The following TRPC7 variants were observed in gnomAD, a reference collection of about 807,000 sequenced individuals.
TRPC7 encodes the protein transient receptor potential cation channel subfamily C member 7.
TRPC7 carries 42 observed loss-of-function variants against 90.1 expected under a neutral mutation model. That is an observed-to-expected ratio of 0.47 (90% CI 0.36 to 0.60). The LOEUF (loss-of-function observed/expected upper bound fraction) is 0.60, where lower values mean the gene tolerates loss of function less well. Among genes scored for constraint, TRPC7 ranks in the 20% least tolerant of loss-of-function variants. TRPC7 has a pLI of 0.00. For missense variants in TRPC7, 955 were observed against 1,112.3 expected (o/e 0.86, Z 2.01); for synonymous variants, 451 against 436.3 (o/e 1.03, Z -0.42).
In TRPC7 at chr5:136,274,763, CT is replaced by C; in HGVS notation, c.1037del (p.Gln346ArgfsTer5). ...CAGCCAGGAATTTCACAGCGATAGA[CT>C]GTTGACGTAAGCCTGAGAGATTTTC... ...WYENLSGLRQ[Q>X]SIAVKFLAVF... On this transcript the variant is annotated frameshift_variant, in exon 4 of 12. Transcript: ENST00000513104. LOFTEE classifies it high-confidence loss of function. The C allele has an allele frequency of 6.2e-7, 1 of 1,609,024 alleles. No individual in the cohort carries two copies. Among genetic ancestry groups the C allele is most frequent in the Non-Finnish European group, 8.5e-7 (1 of 1,177,774 alleles).
chr5:136,291,625 C>T (rs1305413866), intron 3 of TRPC7, among the ~76,000 whole-genome samples: 1 of 152,158 alleles, frequency 6.6e-6, no homozygotes, highest in Admixed American at 6.5e-5. Context: ...AATACAGGAG[C>T]ACCCAGGTTC....
chr5:136,213,371 G>T lies in TRPC7; in HGVS notation c.*64C>A. ...TGGGGACCCCTCCCCACCAAGGATG[G>T]GGGCGAGGGCATCCAACCTGGCCTT... On this transcript the variant is annotated 3_prime_UTR_variant, in exon 12 of 12. Coordinates refer to ENST00000513104, the MANE Select transcript of TRPC7 (RefSeq NM_020389.3). The T allele has an allele frequency of 6.4e-7, 1 of 1,563,436 alleles. No homozygotes were observed. Among genetic ancestry groups the T allele is most frequent in the Non-Finnish European group, 8.7e-7 (1 of 1,148,798 alleles).
At chr5:136,282,098 A>G (rs1284733290) in intron 3 of TRPC7, among the ~76,000 whole-genome samples, 3 of 152,228 alleles carry the variant, frequency 2.0e-5, no homozygotes, top group Non-Finnish European at 4.4e-5. Flanking sequence ...AGAAATCTGC[A>G]TGGGATTCTG....
intron 6 of TRPC7, among the ~76,000 whole-genome samples, chr5:136,250,674 G>C (rs1314603190): frequency 6.6e-6 from 1 of 152,142 alleles, no homozygotes; most frequent in Non-Finnish European, 1.5e-5. Flanking sequence ...AGAGTGCAAA[G>C]CGCTTCACAT....
At chr5:136,347,359 T>G (rs779015097) in intron 2 of TRPC7, among the ~76,000 whole-genome samples, 1 of 152,198 alleles carries the variant, frequency 6.6e-6, no homozygotes, top group Admixed American at 6.5e-5. Flanking sequence ...GCATTTTGAA[T>G]GTCCAAAGTC....
intron 10 of TRPC7, among the ~76,000 whole-genome samples, chr5:136,221,620 C>T (rs1755463652): frequency 6.6e-6 from 1 of 152,118 alleles, no homozygotes; most frequent in South Asian, 2.1e-4. Flanking sequence ...ATGTGGTCAC[C>T]TAGGAAAACA....
chr5:136,365,332 A>G lies in TRPC7; in HGVS notation c.-78T>C, dbSNP rs971627171. 8 of 1,445,882 alleles carry G rather than the reference A, an allele frequency of 5.5e-6. No homozygotes were observed. The highest frequency in any genetic ancestry group is 4.2e-5 in the African/African-American group (3 of 71,232). The allele number at this position is 1,445,882 out of a possible 1,614,324, so 89.6% of individuals were successfully genotyped here. ...TTGAGTCGCCAGAAGCTGGCTCCCCATGGGTGGTAGCCAAGGATGTACCGC... is the reference window on the plus strand; with the variant it reads ...TTGAGTCGCCAGAAGCTGGCTCCCCGTGGGTGGTAGCCAAGGATGTACCGC... On this transcript the variant is annotated 5_prime_UTR_variant, in exon 1 of 12. An upstream start codon of the reference 5' UTR is lost. Transcript: ENST00000513104.
intron 4 of TRPC7, 134 bp downstream of exon 4, chr5:136,274,539 A>G: frequency 1.0e-6 from 1 of 982,300 alleles, no homozygotes; most frequent in South Asian, 3.8e-5. Context: ...TCCTACTTTC[A>G]CCGGGTATCT....
chr5:136,256,147 C>T (rs998345066), intron 5 of TRPC7, among the ~76,000 whole-genome samples: 8 of 152,138 alleles, frequency 5.3e-5, no homozygotes, highest in African/African-American at 1.9e-4. Context: ...CACCGATAGC[C>T]TCTTTTGGCA....
At chr5:136,296,758 T>C (rs527481074) in intron 3 of TRPC7, among the ~76,000 whole-genome samples, 7 of 152,230 alleles carry the variant, frequency 4.6e-5, no homozygotes, top group Non-Finnish European at 1.0e-4. Flanking sequence ...CATTTTTCTT[T>C]TAAATAGCTT....
chr5:136,269,269 A>C (rs1362149158), intron 4 of TRPC7, among the ~76,000 whole-genome samples: 1 of 152,200 alleles, frequency 6.6e-6, no homozygotes, highest in East Asian at 1.9e-4. Context: ...GGCTCACCCG[A>C]AGCTTCCTGG....
At chr5:136,288,535 T>G (rs1279766641) in intron 3 of TRPC7, among the ~76,000 whole-genome samples, 2 of 151,606 alleles carry the variant, frequency 1.3e-5, no homozygotes, top group African/African-American at 2.4e-5. Flanking sequence ...CCTGGAAGAA[T>G]TTGTCCAGTA....
chr5:136,266,954 C>A (rs887524443), intron 4 of TRPC7, among the ~76,000 whole-genome samples: 1 of 152,136 alleles, frequency 6.6e-6, no homozygotes, highest in South Asian at 2.1e-4. Context: ...TTTTCATTGA[C>A]ATTCTGTTAT....
chr5:136,216,899 C>T lies in TRPC7; in HGVS notation c.2344-624G>A, dbSNP rs555788064. ...TCCCACAGGCCTGACACTGTACTGC[C>T]GGAGTCACACTGGAGCAGGATTTGG... On this transcript the variant is annotated intron_variant, in intron 10 of 11. Transcript: ENST00000513104. 1.8e-4 allele frequency among the ~76,000 whole-genome samples: 28 copies of T among 152,278 alleles called. 1 individual carries two copies. Among genetic ancestry groups the T allele is most frequent in the African/African-American group, 2.6e-4 (11 of 41,558 alleles).
chr5:136,341,474 T>TAC (rs72512515), intron 2 of TRPC7, among the ~76,000 whole-genome samples: 29,226 of 150,870 alleles, frequency 0.19, 3,949 homozygotes, highest in African/African-American at 0.38. Context: ...TACATATATA[T>TAC]ACACACACAC....
rs140470312 is a variant in TRPC7, at chr5:136,234,106, T to G, written c.1845-2557A>C. On this transcript the variant is annotated intron_variant, in intron 7 of 11. Transcript: ENST00000513104. The stretch of plus-strand genomic sequence containing the variant: ...AATTTGTTGTCTGTCTTCCAGACAA[T>G]CTTCAGTACTGCACATCTGTTTTAT... Among the ~76,000 whole-genome samples the G allele has an allele frequency of 3.5e-3, 535 of 152,274 alleles. 7 individuals carry two copies. Among genetic ancestry groups the G allele is most frequent in the Non-Finnish European group, 4.0e-3 (271 of 68,018 alleles).
chr5:136,260,207 G>A (rs1350018044), intron 5 of TRPC7, among the ~76,000 whole-genome samples: 1 of 152,202 alleles, frequency 6.6e-6, no homozygotes, highest in Non-Finnish European at 1.5e-5. Context: ...CAGTTAAACA[G>A]AAGATGAAAG....
At chr5:136,287,914 G>A (rs549031448) in intron 3 of TRPC7, among the ~76,000 whole-genome samples, 30 of 152,084 alleles carry the variant, frequency 2.0e-4, no homozygotes, top group African/African-American at 6.5e-4. Flanking sequence ...GGTGCCCCCA[G>A]AATAACTGAG....
intron 2 of TRPC7, chr5:136,316,022 G>A: frequency 2.0e-6 from 1 of 503,048 alleles, no homozygotes; most frequent in Non-Finnish European, 3.5e-6. Flanking sequence ...TGGGCCACCT[G>A]CATCAGAGTC....
Sources: gnomAD v4.1 joint callset for allele counts (sites outside exome capture counted in the v4.1 genomes callset) on GRCh38, gnomAD v4.1.1 for gene constraint, MANE v1.5 for transcripts, NCBI Gene and HGNC (gene_info 2026-07-23, HGNC 2026-07-21) for gene names.